Variants in ZNF462 observed in about 807,000 individuals in gnomAD.
The protein encoded by ZNF462 is zinc finger PBX1-interacting protein.
In ZNF462, 10 loss-of-function variants were observed where a neutral mutation model predicts 201.9. The observed-to-expected ratio is 0.05, with a 90% CI of 0.03 to 0.08. The LOEUF (loss-of-function observed/expected upper bound fraction) is 0.08, where lower values mean the gene tolerates loss of function less well. Among genes scored for constraint, ZNF462 ranks in the 10% least tolerant of loss-of-function variants. The pLI is 1.00. For synonymous variants in ZNF462, 1,227 were observed against 1,193.3 expected, an observed-to-expected ratio of 1.03 and a Z score of -0.58; for missense variants, 2,523 against 3,168.3, an observed-to-expected ratio of 0.80 and a Z score of 4.89.
chr9:106,956,434 T>A (rs1200628696), intron 7 of ZNF462, among the ~76,000 whole-genome samples: 1 of 152,166 alleles, frequency 6.6e-6, no homozygotes, highest in Non-Finnish European at 1.5e-5. Flanking sequence ...GCTTTGTTGT[T>A]CCATTTATAG....
upstream of ZNF462, among the ~76,000 whole-genome samples, chr9:106,861,050 C>T (rs1010308255): frequency 6.6e-6 from 1 of 152,062 alleles, no homozygotes; most frequent in African/African-American, 2.4e-5. Context: ...CTCTCCCTCC[C>T]CCTCCTTTCT....
At chr9:106,934,582 G>T (rs1051292276) in intron 5 of ZNF462, among the ~76,000 whole-genome samples, 1 of 152,192 alleles carries the variant, frequency 6.6e-6, no homozygotes, top group Non-Finnish European at 1.5e-5. Flanking sequence ...AACAGGTTGA[G>T]TTAAAGAGAA....
At chr9:106,915,126 T>C (rs1223266700) in intron 1 of ZNF462, among the ~76,000 whole-genome samples, 1 of 151,816 alleles carries the variant, frequency 6.6e-6, no homozygotes. Flanking sequence ...GGCAGAGACA[T>C]CATACCTACT....
At chr9:106,875,235 G>A (rs77231126) in intron 1 of ZNF462, among the ~76,000 whole-genome samples, 4,352 of 152,100 alleles carry the variant, frequency 0.029, 81 homozygotes, top group Non-Finnish European at 0.044. Context: ...TATTTTGTCT[G>A]TGACCATGCA....
chr9:106,882,445 A>T (rs1326820009), intron 1 of ZNF462, among the ~76,000 whole-genome samples: 1 of 152,266 alleles, frequency 6.6e-6, no homozygotes, highest in African/African-American at 2.4e-5. Context: ...CTAGATTTAT[A>T]GCATTCAATT....
At chr9:107,001,465 A>G (rs1829179509) in intron 10 of ZNF462, among the ~76,000 whole-genome samples, 1 of 152,166 alleles carries the variant, frequency 6.6e-6, no homozygotes, top group Admixed American at 6.5e-5. Flanking sequence ...TGAAGATATC[A>G]AGGACATATA....
intron 1 of ZNF462, among the ~76,000 whole-genome samples, chr9:106,921,173 T>TC (rs1376470692): frequency 4.6e-5 from 7 of 151,550 alleles, no homozygotes; most frequent in African/African-American, 1.7e-4. Flanking sequence ...ATTCTGGAGG[T>TC]CCCCCCACTG....
chr9:106,969,986 A>C (rs1305121948), intron 7 of ZNF462, among the ~76,000 whole-genome samples: 2 of 152,240 alleles, frequency 1.3e-5, no homozygotes, highest in Non-Finnish European at 2.9e-5. Context: ...TGTTTCAAGC[A>C]GAAACTAGAC....
rs1247102331 is a variant in ZNF462 at position 106,933,575 on chromosome 9, T to C, written c.6116+1026T>C. 2.0e-5 allele frequency among the ~76,000 whole-genome samples: 3 copies of C among 152,088 alleles called. No homozygotes were observed. Among genetic ancestry groups the C allele is most frequent in the African/African-American group, 7.2e-5 (3 of 41,408 alleles). ...CTAGGTACTGTACTTTTGGGAAATA[T>C]AAAGACACAGGCCATGGTCTGTGGC... On this transcript the variant is annotated intron_variant, in intron 5 of 12. Coordinates refer to ENST00000277225, the MANE Select transcript of ZNF462 (RefSeq NM_021224.6). The surrounding 1 kb of genome is among the most constrained non-coding windows in gnomAD (Gnocchi z 4.3).
At position 106,902,304 on chromosome 9, in the gene ZNF462, T is replaced by C. The variant is rs1191389522; in HGVS notation, c.-30-21050T>C. Among the ~76,000 whole-genome samples, 1 of 152,164 alleles carries C rather than the reference T, an allele frequency of 6.6e-6. No individual in the cohort carries two copies. Among genetic ancestry groups the C allele is most frequent in the African/African-American group, 2.4e-5 (1 of 41,448 alleles). On this transcript the variant is annotated intron_variant, in intron 1 of 12. Transcript: ENST00000277225. This position sits in a 1 kb window ranked among gnomAD's most constrained non-coding sequence, Gnocchi z 4.2. ...CATGGTGGATTATCTTTTTGATATG[T>C]TGTTGAATTTGGTTAGCTAGTATTT...
In ZNF462 at chr9:106,993,466, G is replaced by A. The variant is rs1006788012; in HGVS notation, c.7056+9057G>A. On this transcript the variant is annotated intron_variant, in intron 10 of 12. Transcript: ENST00000277225. This position sits in a 1 kb window ranked among gnomAD's most constrained non-coding sequence, Gnocchi z 4.0. Reference sequence around the variant, plus strand: ...ATCTTTATCTTTGTTACTAGTGAGCGAGGCATCACTTGTAATCTCTTAGGA... The same window carrying A: ...ATCTTTATCTTTGTTACTAGTGAGCAAGGCATCACTTGTAATCTCTTAGGA... Among the ~76,000 whole-genome samples the A allele has an allele frequency of 1.2e-4, 19 of 152,064 alleles. No homozygotes were observed. The highest frequency in any genetic ancestry group is 1.8e-4 in the Non-Finnish European group (12 of 67,998).
At chr9:106,891,420 C>T (rs1371707359) in intron 1 of ZNF462, among the ~76,000 whole-genome samples, 2 of 151,964 alleles carry the variant, frequency 1.3e-5, no homozygotes, top group Non-Finnish European at 2.9e-5. Flanking sequence ...CGGAGACATA[C>T]AATAGGCTGC....
At chr9:106,877,175 GGTGGTGGTGGTGGT>G (rs1397502612) in intron 1 of ZNF462, among the ~76,000 whole-genome samples, 7 of 151,888 alleles carry the variant, frequency 4.6e-5, no homozygotes, top group African/African-American at 7.2e-5. Flanking sequence ...TAGCTTTATT[GGTGGTGGTGGTGGT>G]GTGGTGGTGG....
chr9:106,905,182 A>T lies in ZNF462; in HGVS notation c.-30-18172A>T, dbSNP rs372224109. The stretch of plus-strand genomic sequence containing the variant: ...GCTTCCTATGAGCCAAACTTCAGTG[A>T]TTGTTATCTCTCTTCTGGGTCTAGC... On this transcript the variant is annotated intron_variant, in intron 1 of 12. Transcript: ENST00000277225. This position sits in a 1 kb window ranked among gnomAD's most constrained non-coding sequence, Gnocchi z 5.9. Among the ~76,000 whole-genome samples, 24 of 152,068 alleles carry T rather than the reference A, an allele frequency of 1.6e-4. No homozygotes were observed. In the South Asian group the frequency reaches 4.2e-3, roughly 26 times the overall value.
Position 106,919,305 on chromosome 9 carries a change from G to A in ZNF462, c.-30-4049G>A, listed in dbSNP as rs1209029007. Among the ~76,000 whole-genome samples, 3 of 152,200 alleles carry A rather than the reference G, an allele frequency of 2.0e-5. No individual in the cohort carries two copies. The highest frequency in any genetic ancestry group is 2.9e-5 in the Non-Finnish European group (2 of 68,042). ...GTCAACACCTCCCCGCTCCGGTTACGTCTGAGCAGTGAGTTGGAAGGATGG... is the reference window on the plus strand; with the variant it reads ...GTCAACACCTCCCCGCTCCGGTTACATCTGAGCAGTGAGTTGGAAGGATGG... On this transcript the variant is annotated intron_variant, in intron 1 of 12. Transcript: ENST00000277225. This position sits in a 1 kb window ranked among gnomAD's most constrained non-coding sequence, Gnocchi z 4.5.
chr9:106,924,849 C>A lies in ZNF462; in HGVS notation c.937C>A (p.Pro313Thr). The A allele has an allele frequency of 6.2e-7, 1 of 1,614,200 alleles. No individual in the cohort carries two copies. The change falls in exon 3 of 13, where the codon CCC becomes ACC. Residue 313 changes from proline (P) to threonine (T), a missense_variant. This residue lies in a region of ZNF462 where 480 missense variants were observed against 544.4 expected (regional missense o/e 0.88). Transcript: ENST00000277225. This position sits in a 1 kb window ranked among gnomAD's most constrained non-coding sequence, Gnocchi z 6.2. Reference sequence around the variant, plus strand: ...CATGAATGCTGCAAGCCGGGAGATACCCAATACTACCGTCTCCAACTTCAG... The same window carrying A: ...CATGAATGCTGCAAGCCGGGAGATAACCAATACTACCGTCTCCAACTTCAG... ...LTMNAASREI[P>T]NTTVSNFRGS...
At chr9:107,002,847 G>A (rs1056129603) in intron 10 of ZNF462, among the ~76,000 whole-genome samples, 2 of 152,222 alleles carry the variant, frequency 1.3e-5, no homozygotes, top group African/African-American at 4.8e-5. Flanking sequence ...TCGTGGCAAA[G>A]AAGGTTGTAT....
In ZNF462 at chr9:106,938,985, C is replaced by A; in HGVS notation, c.6305C>A (p.Ser2102Tyr). 3.1e-6 allele frequency: 5 copies of A among 1,614,002 alleles called. No homozygotes were observed. The highest frequency in any genetic ancestry group is 4.2e-6 in the Non-Finnish European group (5 of 1,179,940). The change falls in exon 7 of 13, where the codon TCC becomes TAC. Residue 2102 changes from serine to tyrosine, a missense_variant. Ser to Tyr is a moderately radical substitution (Grantham distance 144, BLOSUM62 -2). This residue lies in a region of ZNF462 where 138 missense variants were observed against 146.3 expected (regional missense o/e 0.94). Transcript: ENST00000277225. This position sits in a 1 kb window ranked among gnomAD's most constrained non-coding sequence, Gnocchi z 4.4. ...TMTISQLKEH[S>Y]LKVHGKALTL... is the part of the protein sequence containing the mutation. Reference sequence around the variant, plus strand: ...ACAATCAGCCAGCTGAAGGAACACTCCCTCAAGGTCCACGGAAAAGCCCTG... The same window carrying A: ...ACAATCAGCCAGCTGAAGGAACACTACCTCAAGGTCCACGGAAAAGCCCTG...
Position 107,009,727 on chromosome 9 carries a change from G to A in ZNF462, c.7313+59G>A. 2 of 1,583,020 alleles carry A rather than the reference G, an allele frequency of 1.3e-6. No homozygotes were observed. Among genetic ancestry groups the A allele is most frequent in the Non-Finnish European group, 1.7e-6 (2 of 1,158,850 alleles). On this transcript the variant is annotated intron_variant, in intron 12 of 12. Transcript: ENST00000277225. The surrounding 1 kb of genome is among the most constrained non-coding windows in gnomAD (Gnocchi z 6.1). ...AAAGCAAGAGGTAGGGAGGGAGGGA[G>A]GGGCTCTTGTTTTGGTTCCCCTGAC...
Sources: gnomAD v4.1 joint callset for allele counts (sites outside exome capture counted in the v4.1 genomes callset) on GRCh38, gnomAD v4.1.1 for gene constraint, gnomAD v4.1.1 regional missense constraint, Gnocchi (gnomAD v3.1) non-coding constraint, MANE v1.5 for transcripts, NCBI Gene and HGNC (gene_info 2026-07-23, HGNC 2026-07-21) for gene names.